RAB3IP: variants seen among roughly 807,000 people sequenced by gnomAD.
The protein encoded by RAB3IP is RAB3A interacting protein.
Under a neutral mutation model 59.1 loss-of-function variants are expected in RAB3IP, and 36 were observed. The ratio of observed to expected loss-of-function variants is 0.61; its 90% CI spans 0.47 to 0.80. The LOEUF is 0.80. Ranked by LOEUF, RAB3IP falls within the 30% of genes least tolerant of loss-of-function variation. The pLI is 0.00. For missense variants in RAB3IP, 511 were observed against 536.0 expected, an observed-to-expected ratio of 0.95 and a Z score of 0.46; for synonymous variants, 207 against 191.2, an observed-to-expected ratio of 1.08 and a Z score of -0.68.
intron 3 of RAB3IP, 55 bp from the exon 4 acceptor site, chr12:69,784,665 C>T (rs976160841): frequency 3.8e-5 from 37 of 962,118 alleles, no homozygotes; most frequent in Non-Finnish European, 5.5e-5. Context: ...ATATAGTCTG[C>T]TGAATCTAAC....
chr12:69,768,995 T>G (rs932234893), intron 3 of RAB3IP, among the ~76,000 whole-genome samples: 6 of 152,016 alleles, frequency 3.9e-5, no homozygotes, highest in African/African-American at 1.5e-4. Context: ...AATCATGGGG[T>G]CAGGTCTTTC....
intron 3 of RAB3IP, among the ~76,000 whole-genome samples, chr12:69,769,574 G>T (rs1250901857): frequency 6.6e-6 from 1 of 152,166 alleles, no homozygotes; most frequent in Non-Finnish European, 1.5e-5. Context: ...TTCCTTTTAT[G>T]CCTTATCTTG....
intron 4 of RAB3IP, among the ~76,000 whole-genome samples, chr12:69,785,985 A>G (rs986332816): frequency 3.9e-5 from 6 of 152,204 alleles, no homozygotes; most frequent in Non-Finnish European, 8.8e-5. Flanking sequence ...TTGATGTGTT[A>G]CTGGAATGGC....
At chr12:69,812,754 C>G in intron 8 of RAB3IP, 24 bp from the exon 9 acceptor site, 1 of 1,533,972 alleles carries the variant, frequency 6.5e-7, no homozygotes, top group Non-Finnish European at 8.9e-7. Context: ...TTTCAAAAAA[C>G]TGAAATTTAT....
intron 4 of RAB3IP, among the ~76,000 whole-genome samples, chr12:69,786,805 CAAT>C (rs1875741215): frequency 8.7e-6 from 1 of 115,426 alleles, no homozygotes; most frequent in Admixed American, 9.0e-5. Flanking sequence ...AGGCAATAGG[CAAT>C]AAGTGAAAAA....
chr12:69,746,506 G>A (rs1868360580), intron 1 of RAB3IP, among the ~76,000 whole-genome samples: 1 of 152,042 alleles, frequency 6.6e-6, no homozygotes, highest in Non-Finnish European at 1.5e-5. Flanking sequence ...ACAACCCTCA[G>A]AATAATCATG....
chr12:69,759,054 A>G (rs1241998728), intron 3 of RAB3IP, among the ~76,000 whole-genome samples: 2 of 150,372 alleles, frequency 1.3e-5, no homozygotes, highest in Admixed American at 1.3e-4. Context: ...GCAGGGTCAT[A>G]GGACAATAGT....
At chr12:69,765,747 G>T (rs1248533022) in intron 3 of RAB3IP, among the ~76,000 whole-genome samples, 4 of 152,244 alleles carry the variant, frequency 2.6e-5, no homozygotes, top group Non-Finnish European at 5.9e-5. Flanking sequence ...GCATGTGGCA[G>T]AGAGGATCTC....
chr12:69,781,813 G>T (rs1221702407), intron 3 of RAB3IP, among the ~76,000 whole-genome samples: 1 of 152,198 alleles, frequency 6.6e-6, no homozygotes, highest in Non-Finnish European at 1.5e-5. Context: ...GCAGTTATGA[G>T]TGAATAAAGC....
At chr12:69,799,462 AAG>A (rs1481344516) in intron 6 of RAB3IP, among the ~76,000 whole-genome samples, 3 of 152,114 alleles carry the variant, frequency 2.0e-5, no homozygotes, top group African/African-American at 7.2e-5. Flanking sequence ...GGAGGTGAGA[AAG>A]AGAGGGATAG....
chr12:69,753,871 C>A lies in RAB3IP; in HGVS notation c.-25-1513C>A, dbSNP rs369710154. On this transcript the variant is annotated intron_variant, in intron 1 of 10. Transcript: ENST00000247833. ...CTTCAGAGGAAAAACTTGAGTGGTA[C>A]ACTCAAGTTAGTTTCCATGTAAACT... Among the ~76,000 whole-genome samples, 13 of 152,240 alleles carry A rather than the reference C, an allele frequency of 8.5e-5. No individual in the cohort carries two copies. The East Asian group carries it at 2.5e-3, about 29-fold the overall frequency.
intron 3 of RAB3IP, among the ~76,000 whole-genome samples, chr12:69,760,932 TGTTA>T (rs1373941869): frequency 6.6e-6 from 1 of 152,180 alleles, no homozygotes; most frequent in Non-Finnish European, 1.5e-5. Context: ...AGCTGTAGGT[TGTTA>T]GTTTTCATAA....
chr12:69,792,724 G>GT (rs1876835755), intron 4 of RAB3IP, among the ~76,000 whole-genome samples: 1 of 152,126 alleles, frequency 6.6e-6, no homozygotes, highest in African/African-American at 2.4e-5. Flanking sequence ...TTATATGTAT[G>GT]TTATACCTTT....
At chr12:69,807,979 T>C (rs1361427737) in intron 8 of RAB3IP, among the ~76,000 whole-genome samples, 1 of 152,252 alleles carries the variant, frequency 6.6e-6, no homozygotes, top group Non-Finnish European at 1.5e-5. Context: ...TCAATTGTGA[T>C]GTTAGGGTGT....
intron 1 of RAB3IP, among the ~76,000 whole-genome samples, chr12:69,744,527 A>G (rs1413573117): frequency 6.6e-6 from 1 of 152,004 alleles, no homozygotes; most frequent in African/African-American, 2.4e-5. Flanking sequence ...GTTCGAGACA[A>G]GCCTGGTCAA....
intron 3 of RAB3IP, among the ~76,000 whole-genome samples, chr12:69,771,416 A>G (rs1014247625): frequency 3.3e-5 from 5 of 151,996 alleles, no homozygotes; most frequent in African/African-American, 1.2e-4. Context: ...GTTCCCAGCT[A>G]CTTGGAAAGC....
At chr12:69,755,918 A>C (rs1870142294) in intron 2 of RAB3IP, among the ~76,000 whole-genome samples, 1 of 152,246 alleles carries the variant, frequency 6.6e-6, no homozygotes, top group Non-Finnish European at 1.5e-5. Context: ...GTTTGAAAGC[A>C]GCCATAGACA....
chr12:69,798,463 A>AT (rs1877877464), intron 6 of RAB3IP, among the ~76,000 whole-genome samples: 1 of 151,096 alleles, frequency 6.6e-6, no homozygotes, highest in Non-Finnish European at 1.5e-5. Context: ...ATTTTCTCCC[A>AT]TTTTGTAGGT....
intron 1 of RAB3IP, among the ~76,000 whole-genome samples, chr12:69,753,204 T>G (rs1869619806): frequency 6.6e-6 from 1 of 152,250 alleles, no homozygotes; most frequent in South Asian, 2.1e-4. Flanking sequence ...GAGTCAGATC[T>G]CTTTCAACTT....
Sources: gnomAD v4.1 joint callset for allele counts (sites outside exome capture counted in the v4.1 genomes callset) on GRCh38, gnomAD v4.1.1 for gene constraint, MANE v1.5 for transcripts, NCBI Gene and HGNC (gene_info 2026-07-23, HGNC 2026-07-21) for gene names.